VSTM2A: variants seen among roughly 807,000 people sequenced by gnomAD.
VSTM2A encodes V-set and transmembrane domain containing 2A.
Under a neutral mutation model 27.3 loss-of-function variants are expected in VSTM2A, and 13 were observed. The ratio of observed to expected loss-of-function variants is 0.48; its 90% CI spans 0.31 to 0.76. VSTM2A has a LOEUF of 0.76. Ranked by LOEUF, VSTM2A falls within the 30% of genes least tolerant of loss-of-function variation. The pLI is 0.05. For missense variants in VSTM2A, 280 were observed against 310.0 expected (o/e 0.90, Z 0.73); for synonymous variants, 142 against 125.7 (o/e 1.13, Z -0.87).
chr7:54,549,808 T>G, intron 3 of VSTM2A, 26 bp from the exon 4 acceptor site: 2 of 1,543,670 alleles, frequency 1.3e-6, no homozygotes, highest in Non-Finnish European at 1.7e-6. Context: ...AGCACTTTAT[T>G]GTTTTTTTTA....
intron 4 of VSTM2A, among the ~76,000 whole-genome samples, chr7:54,563,366 C>T (rs142643712): frequency 6.6e-6 from 1 of 152,250 alleles, no homozygotes; most frequent in African/African-American, 2.4e-5. Flanking sequence ...ATGATTACCT[C>T]CTGGGATCAC....
At position 54,546,946 on chromosome 7, in the gene VSTM2A, G is replaced by T; in HGVS notation, c.247-1G>T. 6.3e-7 allele frequency: 1 copy of T among 1,598,330 alleles called. No homozygotes were observed. Among genetic ancestry groups the T allele is most frequent in the Non-Finnish European group, 8.5e-7 (1 of 1,174,504 alleles). ...ACTGAGCGTTCGCTCCTTGCCCGCA[G>T]GTGGAGCTCTTGCCCGACAGAGACC... On this transcript the variant is annotated splice_acceptor_variant, in intron 2 of 4. Transcript: ENST00000402613. LOFTEE classifies it high-confidence loss of function.
intron 4 of VSTM2A, among the ~76,000 whole-genome samples, chr7:54,565,667 C>A (rs1788697883): frequency 6.6e-6 from 1 of 152,246 alleles, no homozygotes; most frequent in Non-Finnish European, 1.5e-5. Flanking sequence ...TGGCAACAGG[C>A]AGTCCACTGG....
intron 4 of VSTM2A, among the ~76,000 whole-genome samples, chr7:54,566,065 G>C (rs541524378): frequency 1.1e-4 from 16 of 152,228 alleles, no homozygotes; most frequent in Non-Finnish European, 1.6e-4. Flanking sequence ...ACAAAGACGG[G>C]GGAATTACAG....
At chr7:54,564,202 A>G (rs1020321122) in intron 4 of VSTM2A, among the ~76,000 whole-genome samples, 1 of 152,216 alleles carries the variant, frequency 6.6e-6, no homozygotes, top group South Asian at 2.1e-4. Flanking sequence ...GAGGATTTCC[A>G]TTTTTAGGTT....
Position 54,547,017 on chromosome 7 carries a change from A to C in VSTM2A, c.297+20A>C. On this transcript the variant is annotated intron_variant, in intron 3 of 4. Coordinates refer to ENST00000402613, the MANE Select transcript of VSTM2A (RefSeq NM_001301009.2). ...ATCAGCGTGAGTGCGGGGCGCGCCA[A>C]GGGCCGCGGGCCCAGGCTCGGGACG... 1 of 1,572,682 alleles carries C rather than the reference A, an allele frequency of 6.4e-7. No homozygotes were observed. Among genetic ancestry groups the C allele is most frequent in the East Asian group, 2.4e-5 (1 of 40,832 alleles).
chr7:54,565,066 G>GC (rs1562715526), intron 4 of VSTM2A, among the ~76,000 whole-genome samples: 1 of 151,882 alleles, frequency 6.6e-6, no homozygotes, highest in Non-Finnish European at 1.5e-5. Context: ...CTGAAAAGAT[G>GC]AGTATACATT....
chr7:54,546,452 G>A (rs1235058), intron 2 of VSTM2A, among the ~76,000 whole-genome samples: 30,140 of 151,592 alleles, frequency 0.2, 3,097 homozygotes, highest in East Asian at 0.24. Flanking sequence ...ACGGCAGGCG[G>A]GATGGTGGCC....
intron 4 of VSTM2A, chr7:54,568,872 G>A: frequency 2.3e-6 from 2 of 884,398 alleles, no homozygotes; most frequent in South Asian, 1.8e-5. Context: ...TGTTTGCAGT[G>A]CATGCCAAGA....
intron 4 of VSTM2A, among the ~76,000 whole-genome samples, chr7:54,560,914 A>T (rs991640498): frequency 6.6e-6 from 1 of 152,200 alleles, no homozygotes; most frequent in Non-Finnish European, 1.5e-5. Context: ...TTATGAGTCA[A>T]TGTTTTTCTT....
At chr7:54,545,769 AAGG>A (rs1267521999) in intron 2 of VSTM2A, among the ~76,000 whole-genome samples, 2 of 102,840 alleles carry the variant, frequency 1.9e-5, no homozygotes, top group African/African-American at 3.9e-5. Flanking sequence ...GGGAGAGAGA[AAGG>A]AGAAGAGAAG....
In VSTM2A at chr7:54,550,067, C is replaced by G; in HGVS notation, c.531C>G (p.Ser177=). The change falls in exon 4 of 5, where the codon TCC becomes TCG. Residue 177 remains serine (S), a synonymous_variant. Coordinates refer to ENST00000402613, the MANE Select transcript of VSTM2A (RefSeq NM_001301009.2). The part of the protein sequence containing the change: ...LQDMKPRKNV[S]AAIPSSIHGS... ...ATATGAAGCCCCGCAAGAACGTCTC[C>G]GCAGCCATCCCCAGCAGCATCCATG... 6.2e-7 allele frequency: 1 copy of G among 1,608,872 alleles called. No individual in the cohort carries two copies. Among genetic ancestry groups the G allele is most frequent in the Non-Finnish European group, 8.5e-7 (1 of 1,177,626 alleles).
rs1788151041 is a variant in VSTM2A at position 54,550,366 on chromosome 7, T to C, written c.634+196T>C. On this transcript the variant is annotated intron_variant, in intron 4 of 4. Coordinates refer to ENST00000402613, the MANE Select transcript of VSTM2A (RefSeq NM_001301009.2). ...GCTCAAAGCATGTGGGTGCACCCCG[T>C]CAGTCCCCTAGTGGTGCTTCATTTC... The C allele has an allele frequency of 2.8e-6, 4 of 1,426,728 alleles. No individual in the cohort carries two copies. In the East Asian group the frequency reaches 7.5e-5, roughly 27 times the overall value. The allele number at this position is 1,426,728 out of a possible 1,614,324, so 88.4% of individuals were successfully genotyped here. A position where few individuals can be genotyped will look rare whatever the true frequency, so the allele number is the denominator to read the frequency against.
At chr7:54,544,567 A>G (rs1487589423) in intron 1 of VSTM2A, 55 bp from the exon 2 acceptor site, 2 of 1,607,594 alleles carry the variant, frequency 1.2e-6, no homozygotes, top group African/African-American at 2.7e-5. Context: ...TCAAGGAAAG[A>G]GACTCAGGCA....
chr7:54,553,801 C>G (rs1217541150), intron 4 of VSTM2A: 16 of 1,542,784 alleles, frequency 1.0e-5, no homozygotes, highest in Non-Finnish European at 1.3e-5. Context: ...AACGCCCCTC[C>G]ACCATGCCCC....
chr7:54,544,556 C>T, intron 1 of VSTM2A, 66 bp from the exon 2 acceptor site: 2 of 1,600,698 alleles, frequency 1.2e-6, no homozygotes, highest in South Asian at 2.2e-5. Context: ...GTAGCGAGCT[C>T]TCAAGGAAAG....
chr7:54,550,210 C>A (rs1213654498), intron 4 of VSTM2A, 40 bp downstream of exon 4: 1 of 1,558,372 alleles, frequency 6.4e-7, no homozygotes, highest in South Asian at 1.2e-5. Flanking sequence ...TTACCACTCA[C>A]AAACGCTCCA....
intron 4 of VSTM2A, among the ~76,000 whole-genome samples, chr7:54,563,411 T>G (rs891997329): frequency 2.0e-5 from 3 of 152,136 alleles, no homozygotes; most frequent in African/African-American, 7.2e-5. Flanking sequence ...TGTTCAAAAT[T>G]ATTAGCAGCT....
At chr7:54,547,858 A>T (rs1451965790) in intron 3 of VSTM2A, among the ~76,000 whole-genome samples, 1 of 152,204 alleles carries the variant, frequency 6.6e-6, no homozygotes. Flanking sequence ...AGAAGATTGG[A>T]GTTACATCAT....
Sources: gnomAD v4.1 joint callset for allele counts (sites outside exome capture counted in the v4.1 genomes callset) on GRCh38, gnomAD v4.1.1 for gene constraint, MANE v1.5 for transcripts, NCBI Gene and HGNC (gene_info 2026-07-23, HGNC 2026-07-21) for gene names.